ZNF395: variants seen among roughly 807,000 people sequenced by gnomAD.
The protein encoded by ZNF395 is zinc finger protein 395.
ZNF395 carries 20 observed loss-of-function variants against 57.7 expected under a neutral mutation model. The observed-to-expected ratio is 0.35, with a 90% confidence interval of 0.24 to 0.50. The LOEUF (loss-of-function observed/expected upper bound fraction) is 0.50, where lower values mean the gene tolerates loss of function less well. Ranked by LOEUF, ZNF395 falls within the 20% of genes least tolerant of loss-of-function variation. The probability of loss-of-function intolerance (pLI) is 0.97; values close to 1 mark genes in which losing one functional copy is unlikely to be tolerated. For missense variants in ZNF395, 606 were observed against 671.2 expected, an observed-to-expected ratio of 0.90 and a Z score of 1.07; for synonymous variants, 295 against 275.9, an observed-to-expected ratio of 1.07 and a Z score of -0.69.
chr8:28,356,843 A>C lies in ZNF395; in HGVS notation c.474-64T>G. On this transcript the variant is annotated intron_variant, in intron 3 of 9. Coordinates refer to ENST00000344423, the MANE Select transcript of ZNF395 (RefSeq NM_018660.3). The surrounding 1 kb of genome is among the most constrained non-coding windows in gnomAD (Gnocchi z 4.0). ...GCATGGCGGGCCCATGGTCCTTGCAAAACGAGACACCACTTCTGGCTGGTT... is the reference window on the plus strand; with the variant it reads ...GCATGGCGGGCCCATGGTCCTTGCACAACGAGACACCACTTCTGGCTGGTT... 4 of 1,308,438 alleles carry C rather than the reference A, an allele frequency of 3.1e-6. No individual in the cohort carries two copies. Among genetic ancestry groups the C allele is most frequent in the Non-Finnish European group, 4.3e-6 (4 of 935,844 alleles). 81.1% of individuals were successfully genotyped at this position (1,308,438 alleles called of 1,614,324 possible). A position where few individuals can be genotyped will look rare whatever the true frequency, so the allele number is the denominator to read the frequency against.
chr8:28,348,925 G>A, intron 9 of ZNF395, 95 bp from the exon 10 acceptor site: 1 of 1,376,612 alleles, frequency 7.3e-7, no homozygotes, highest in Admixed American at 1.8e-5. Flanking sequence ...GAGGCCAAAG[G>A]GGCAGCTCCC....
intron 4 of ZNF395, among the ~76,000 whole-genome samples, chr8:28,353,723 C>T (rs973820722): frequency 2.0e-5 from 3 of 152,082 alleles, no homozygotes; most frequent in African/African-American, 7.2e-5. Flanking sequence ...AACTCCTATC[C>T]TCAAGCGATC....
At chr8:28,360,399 A>G (rs1221877114) in intron 2 of ZNF395, among the ~76,000 whole-genome samples, 9 of 152,226 alleles carry the variant, frequency 5.9e-5, no homozygotes, top group African/African-American at 2.2e-4. Context: ...CCTGGACCTC[A>G]TAACATCAGA....
At chr8:28,367,376 CACT>C (rs918147685) in intron 1 of ZNF395, among the ~76,000 whole-genome samples, 14 of 152,156 alleles carry the variant, frequency 9.2e-5, no homozygotes, top group African/African-American at 3.4e-4. Flanking sequence ...TCCCAACTAA[CACT>C]ACTATTTTCA....
chr8:28,351,142 C>T, intron 7 of ZNF395, among the ~76,000 whole-genome samples: 1 of 152,188 alleles, frequency 6.6e-6, no homozygotes, highest in East Asian at 1.9e-4. Context: ...ACTGTCTGTC[C>T]ACAGAACACA....
rs1229749876 is a variant in ZNF395 at position 28,351,810 on chromosome 8, G to A, written c.921-3C>T. ...ACTGATCAGAGTCCACTGTGTCCCT[G>A]TGTGGGAGGGAGATGCGGTATAATC... On this transcript the variant is annotated splice_region_variant and splice_polypyrimidine_tract_variant and intron_variant, in intron 6 of 9. Transcript: ENST00000344423. The A allele has an allele frequency of 6.5e-7, 1 of 1,537,096 alleles. No homozygotes were observed. The highest frequency in any genetic ancestry group is 1.8e-5 in the Admixed American group (1 of 54,352).
At chr8:28,351,932 G>GT in intron 6 of ZNF395, 125 bp from the exon 7 acceptor site, 1 of 1,111,216 alleles carries the variant, frequency 9.0e-7, no homozygotes, top group Non-Finnish European at 1.3e-6. Flanking sequence ...GAGCCCAAGA[G>GT]AACACCCAGG....
chr8:28,366,033 A>G (rs17059029), intron 1 of ZNF395, among the ~76,000 whole-genome samples: 1,637 of 152,312 alleles, frequency 0.011, 31 homozygotes, highest in African/African-American at 0.033. Flanking sequence ...GAGCTATGAT[A>G]TCACCTAGCA....
In ZNF395 at chr8:28,367,320, C is replaced by CT. The variant is rs1247125969; in HGVS notation, c.-58-6139dup. 9.9e-5 allele frequency among the ~76,000 whole-genome samples: 15 copies of CT among 152,214 alleles called. No individual in the cohort carries two copies. The South Asian group carries it at 1.7e-3, about 17-fold the overall frequency. On this transcript the variant is annotated intron_variant, in intron 1 of 9. Transcript: ENST00000344423. ...CTGAGCATCCAGCCTTCCTATTACT[C>CT]TAAGTAATAGATGTAATACAGTAAT...
At chr8:28,371,244 G>A (rs1187388132) in intron 1 of ZNF395, among the ~76,000 whole-genome samples, 2 of 152,170 alleles carry the variant, frequency 1.3e-5, no homozygotes, top group Middle Eastern at 3.2e-3. Context: ...GCAGTCGCAC[G>A]ATCACAGCTC....
chr8:28,363,328 C>T (rs1801872886), intron 1 of ZNF395, among the ~76,000 whole-genome samples: 1 of 152,078 alleles, frequency 6.6e-6, no homozygotes, highest in Non-Finnish European at 1.5e-5. Context: ...GACAGGTTTT[C>T]ATCATGTTGC....
chr8:28,352,735 AC>A lies in ZNF395; in HGVS notation c.820-63del. On this transcript the variant is annotated intron_variant, in intron 5 of 9. Coordinates refer to ENST00000344423, the MANE Select transcript of ZNF395 (RefSeq NM_018660.3). This position sits in a 1 kb window ranked among gnomAD's most constrained non-coding sequence, Gnocchi z 4.0. ...TTCTCCTTATCCCTCGCTCAACCTT[AC>A]CCAGTGGGGACTCAAACTGGCTGCT... 6.8e-7 allele frequency: 1 copy of A among 1,473,604 alleles called. No individual in the cohort carries two copies. The highest frequency in any genetic ancestry group is 9.5e-7 in the Non-Finnish European group (1 of 1,057,020). The allele number at this position is 1,473,604 out of a possible 1,614,324, so 91.3% of individuals were successfully genotyped here.
At position 28,346,423 on chromosome 8, in the gene ZNF395, TGGAA is replaced by T. The variant is rs1490283241; in HGVS notation, c.*2292_*2295del. 1 of 150,278 alleles carries T rather than the reference TGGAA, an allele frequency of 6.7e-6. No homozygotes were observed. The highest frequency in any genetic ancestry group is 2.5e-5 in the African/African-American group (1 of 40,432). The allele number at this position is 150,278 out of a possible 1,614,324, so 9.3% of individuals were successfully genotyped here. On this transcript the variant is annotated 3_prime_UTR_variant, in exon 10 of 10. Transcript: ENST00000344423. The stretch of plus-strand genomic sequence containing the variant: ...GACAGGCACGGGATGGCAGCACGGG[TGGAA>T]GGGAGGCAAGGAGGCCGCCAGTGCC...
Position 28,348,631 on chromosome 8 carries a change from T to G in ZNF395, c.*88A>C. On this transcript the variant is annotated 3_prime_UTR_variant, in exon 10 of 10. Coordinates refer to ENST00000344423, the MANE Select transcript of ZNF395 (RefSeq NM_018660.3). The stretch of plus-strand genomic sequence containing the variant: ...ACTCCGTGTTTCCGTTCTTTCTCTT[T>G]CGGTTTCTGCTGAGGGCTGGTGACA... The G allele has an allele frequency of 8.2e-7, 1 of 1,216,116 alleles. No homozygotes were observed. The highest frequency in any genetic ancestry group is 2.3e-5 in the East Asian group (1 of 42,612). The allele number at this position is 1,216,116 out of a possible 1,614,324, so 75.3% of individuals were successfully genotyped here.
At chr8:28,378,831 A>G (rs1003762572) in intron 1 of ZNF395, among the ~76,000 whole-genome samples, 24 of 152,222 alleles carry the variant, frequency 1.6e-4, no homozygotes, top group African/African-American at 5.8e-4. Context: ...GAATACCGCC[A>G]ACAGCCGTAA....
chr8:28,375,166 C>A (rs1802025374), intron 1 of ZNF395: 1 of 152,254 alleles, frequency 6.6e-6, no homozygotes, highest in Non-Finnish European at 1.5e-5. Flanking sequence ...GTGGGAGAAT[C>A]ACTTAAGGCC....
chr8:28,350,053 C>G lies in ZNF395; in HGVS notation c.1326+11G>C. The stretch of plus-strand genomic sequence containing the variant: ...CATACGAGGCCCCAGCCGTGCTGCC[C>G]GCACACTCACCGGAGAGAGAGAGCA... On this transcript the variant is annotated intron_variant, in intron 8 of 9. Transcript: ENST00000344423. 1.3e-6 allele frequency: 2 copies of G among 1,587,174 alleles called. No individual in the cohort carries two copies. The highest frequency in any genetic ancestry group is 1.7e-6 in the Non-Finnish European group (2 of 1,171,284).
chr8:28,358,102 G>GT (rs1249523932), intron 3 of ZNF395, among the ~76,000 whole-genome samples: 1 of 142,880 alleles, frequency 7.0e-6, no homozygotes, highest in African/African-American at 2.6e-5. Flanking sequence ...GCTAAGAATG[G>GT]TTTTACATTT....
At position 28,361,097 on chromosome 8, in the gene ZNF395, C is replaced by T. The variant is rs1422902443; in HGVS notation, c.28G>A (p.Gly10Arg). ...CGGGCTCCCAGGAGGGACCGCTTTC[C>T]AAGGCGTCGGGACAGGACACTCGCC... MASVLSRRLGKRSLLGARVL... is the reference protein window; with the variant it reads MASVLSRRLRKRSLLGARVL... The change falls in exon 2 of 10, where the codon GGA becomes AGA. Residue 10 changes from glycine to arginine, a missense_variant. Transcript: ENST00000344423. 4 of 1,612,654 alleles carry T rather than the reference C, an allele frequency of 2.5e-6. No individual in the cohort carries two copies. The highest frequency in any genetic ancestry group is 1.1e-5 in the South Asian group (1 of 91,078).
Sources: gnomAD v4.1 joint callset for allele counts (sites outside exome capture counted in the v4.1 genomes callset) on GRCh38, gnomAD v4.1.1 for gene constraint, Gnocchi (gnomAD v3.1) non-coding constraint, MANE v1.5 for transcripts, NCBI Gene and HGNC (gene_info 2026-07-23, HGNC 2026-07-21) for gene names.